MAGI2: variants seen among roughly 807,000 people sequenced by gnomAD.
MAGI2 encodes the protein membrane associated guanylate kinase, WW and PDZ domain containing 2.
Under a neutral mutation model 133.3 loss-of-function variants are expected in MAGI2, and 35 were observed. The ratio of observed to expected loss-of-function variants is 0.26; its 90% CI spans 0.20 to 0.35. MAGI2 has a LOEUF of 0.35. Ranked by LOEUF, MAGI2 falls within the 10% of genes least tolerant of loss-of-function variation. The probability of loss-of-function intolerance (pLI) is 1.00; values close to 1 mark genes in which losing one functional copy is unlikely to be tolerated. For missense variants in MAGI2, 1,636 were observed against 1,863.4 expected, an observed-to-expected ratio of 0.88 and a Z score of 2.25; for synonymous variants, 729 against 710.6, an observed-to-expected ratio of 1.03 and a Z score of -0.41.
At chr7:78,955,779 T>TTCTTTTCTTTCTG (rs1802324366) in intron 2 of MAGI2, among the ~76,000 whole-genome samples, 1 of 149,792 alleles carries the variant, frequency 6.7e-6, no homozygotes, top group East Asian at 2.0e-4. Context: ...CTTTCTTTCT[T>TTCTTTTCTTTCTG]TCTTTCTTTC....
intron 2 of MAGI2, among the ~76,000 whole-genome samples, chr7:78,781,845 A>T (rs1002783056): frequency 6.6e-6 from 1 of 152,230 alleles, no homozygotes. Flanking sequence ...ACTGTAAGAA[A>T]TTGGGTATTA....
intron 1 of MAGI2, among the ~76,000 whole-genome samples, chr7:79,391,562 T>TAC (rs754392939): frequency 1.2e-4 from 8 of 68,354 alleles, no homozygotes; most frequent in African/African-American, 1.8e-4. Context: ...TATATATATA[T>TAC]ACACACTTTA....
At chr7:79,047,355 T>A (rs574208792) in intron 1 of MAGI2, among the ~76,000 whole-genome samples, 1 of 151,922 alleles carries the variant, frequency 6.6e-6, no homozygotes, top group East Asian at 1.9e-4. Context: ...AGAAGATATA[T>A]AAAATGATAA....
intron 1 of MAGI2, among the ~76,000 whole-genome samples, chr7:79,064,907 T>G (rs1814148979): frequency 6.6e-6 from 1 of 152,088 alleles, no homozygotes; most frequent in East Asian, 1.9e-4. Flanking sequence ...TTGCCCCACT[T>G]TGGTCAGGAA....
At chr7:78,895,801 C>T (rs1797169885) in intron 2 of MAGI2, among the ~76,000 whole-genome samples, 1 of 152,162 alleles carries the variant, frequency 6.6e-6, no homozygotes, top group African/African-American at 2.4e-5. Flanking sequence ...TCTGTTATTA[C>T]TGACTTAAAA....
At chr7:79,156,870 C>G (rs1823829313) in intron 1 of MAGI2, among the ~76,000 whole-genome samples, 1 of 152,072 alleles carries the variant, frequency 6.6e-6, no homozygotes, top group Non-Finnish European at 1.5e-5. Context: ...AGAGAAGTCT[C>G]AGAACCCCAA....
chr7:78,318,123 T>C (rs1270727250), intron 9 of MAGI2, among the ~76,000 whole-genome samples: 1 of 152,088 alleles, frequency 6.6e-6, no homozygotes, highest in Non-Finnish European at 1.5e-5. Context: ...GAGAATGAGT[T>C]TGACAAATTG....
intron 3 of MAGI2, among the ~76,000 whole-genome samples, chr7:78,578,088 G>T (rs1584715738): frequency 8.1e-6 from 1 of 123,414 alleles, no homozygotes; most frequent in Admixed American, 7.6e-5. Context: ...ATATTTTATT[G>T]GTTTTCACTT....
intron 6 of MAGI2, chr7:78,487,174 G>GA (rs35515187): frequency 0.024 from 4,115 of 173,818 alleles, 36 homozygotes; most frequent in Non-Finnish European, 0.033. Flanking sequence ...GCAGGATGGG[G>GA]AAAAAAAAAA....
chr7:79,024,723 A>G (rs1447147221), intron 1 of MAGI2, among the ~76,000 whole-genome samples: 2 of 152,190 alleles, frequency 1.3e-5, no homozygotes, highest in Non-Finnish European at 2.9e-5. Context: ...AGAAGAAGAC[A>G]TATGCATGGA....
intron 5 of MAGI2, among the ~76,000 whole-genome samples, chr7:78,490,766 A>T (rs1179946708): frequency 6.6e-6 from 1 of 152,106 alleles, no homozygotes; most frequent in African/African-American, 2.4e-5. Flanking sequence ...ATAACTGCTC[A>T]TTGGAGCTAA....
At chr7:79,179,304 A>G (rs1263555857) in intron 1 of MAGI2, among the ~76,000 whole-genome samples, 1 of 152,028 alleles carries the variant, frequency 6.6e-6, no homozygotes, top group Non-Finnish European at 1.5e-5. Context: ...TTGAACATAT[A>G]GTCATGTAAT....
rs540993966 is a variant in MAGI2, at chr7:79,452,864, C to T, written c.301+156G>A. The stretch of plus-strand genomic sequence containing the variant: ...CCTCCCTTTAGCCCCCAAGTCGAAT[C>T]CCCGGCGAAACTCACTTGCACTGCG... On this transcript the variant is annotated intron_variant, in intron 1 of 21. Coordinates refer to ENST00000354212, the MANE Select transcript of MAGI2 (RefSeq NM_012301.4). 1.2e-5 allele frequency: 9 copies of T among 753,770 alleles called. No individual in the cohort carries two copies. In the East Asian group the frequency reaches 2.3e-4, roughly 19 times the overall value. 46.7% of individuals were successfully genotyped at this position (753,770 alleles called of 1,614,324 possible).
intron 1 of MAGI2, among the ~76,000 whole-genome samples, chr7:79,308,626 C>A (rs1044147688): frequency 1.3e-5 from 2 of 152,092 alleles, no homozygotes; most frequent in Non-Finnish European, 2.9e-5. Context: ...CCTCTAATTG[C>A]TTAAAGTAAT....
chr7:78,438,854 G>T (rs1318415651), intron 6 of MAGI2, among the ~76,000 whole-genome samples: 1 of 152,086 alleles, frequency 6.6e-6, no homozygotes, highest in Non-Finnish European at 1.5e-5. Context: ...CATAATTAAC[G>T]GGCTGTTAAG....
chr7:78,427,070 T>A (rs1799351076), intron 6 of MAGI2, among the ~76,000 whole-genome samples: 1 of 152,134 alleles, frequency 6.6e-6, no homozygotes, highest in Non-Finnish European at 1.5e-5. Flanking sequence ...GTTAAGGAAG[T>A]ATATTGTAAT....
intron 3 of MAGI2, among the ~76,000 whole-genome samples, chr7:78,542,119 T>C (rs1019383914): frequency 2.0e-5 from 3 of 152,226 alleles, no homozygotes; most frequent in African/African-American, 4.8e-5. Context: ...ATATTTGAAT[T>C]TCATGTGATT....
At chr7:78,962,419 A>C (rs529273794) in intron 2 of MAGI2, among the ~76,000 whole-genome samples, 1 of 151,982 alleles carries the variant, frequency 6.6e-6, no homozygotes, top group South Asian at 2.1e-4. Context: ...TATAGTTGAA[A>C]GGAACAGATC....
At chr7:78,395,466 C>G (rs1407456802) in intron 6 of MAGI2, among the ~76,000 whole-genome samples, 2 of 152,178 alleles carry the variant, frequency 1.3e-5, no homozygotes, top group Admixed American at 6.6e-5. Flanking sequence ...CATCATCCAG[C>G]TCCTTAAGGT....
Sources: allele counts gnomAD v4.1 joint callset (sites outside exome capture counted in the v4.1 genomes callset), GRCh38; gene constraint gnomAD v4.1.1; transcripts MANE v1.5; gene names NCBI Gene and HGNC (gene_info 2026-07-23, HGNC 2026-07-21).